ZNF236: variants seen among roughly 807,000 people sequenced by gnomAD.
ZNF236 encodes the protein regulated by glucose.
Under a neutral mutation model 191.2 loss-of-function variants are expected in ZNF236, and 50 were observed. That is an observed-to-expected ratio of 0.26 (90% CI 0.21 to 0.33). ZNF236 has a LOEUF of 0.33. Ranked by LOEUF, ZNF236 falls within the 10% of genes least tolerant of loss-of-function variation. The pLI is 1.00. For synonymous variants in ZNF236, 907 were observed against 928.8 expected (o/e 0.98, Z 0.43); for missense variants, 1,754 against 2,374.5 (o/e 0.74, Z 5.43).
At chr18:76,883,820 C>T (rs915271897) in intron 9 of ZNF236, among the ~76,000 whole-genome samples, 1 of 152,112 alleles carries the variant, frequency 6.6e-6, no homozygotes, top group African/African-American at 2.4e-5. Context: ...CTGAAAATAC[C>T]TCTCCAAGGA....
At chr18:76,865,387 A>G (rs1480293499) in intron 3 of ZNF236, among the ~76,000 whole-genome samples, 2 of 152,166 alleles carry the variant, frequency 1.3e-5, no homozygotes, top group Non-Finnish European at 2.9e-5. Flanking sequence ...TGATCTAACA[A>G]TACATTGTCT....
chr18:76,834,500 C>T, intron 1 of ZNF236: 1 of 444,280 alleles, frequency 2.3e-6, no homozygotes, highest in East Asian at 5.6e-5. Context: ...CGAGATTTGG[C>T]TTTCCGTTCA....
intron 1 of ZNF236, among the ~76,000 whole-genome samples, chr18:76,828,875 C>T (rs1415768320): frequency 1.3e-5 from 2 of 152,174 alleles, no homozygotes; most frequent in African/African-American, 4.8e-5. Context: ...CCATGTTGCC[C>T]AGGCTGGTCT....
chr18:76,842,430 C>T (rs554791792), intron 1 of ZNF236, among the ~76,000 whole-genome samples: 31 of 148,994 alleles, frequency 2.1e-4, no homozygotes, highest in African/African-American at 7.1e-4. Context: ...CTGCTCCACC[C>T]CCCTCAACTT....
chr18:76,910,678 C>G lies in ZNF236; in HGVS notation c.2672C>G (p.Thr891Arg), dbSNP rs199817061. The change falls in exon 16 of 31, where the codon ACG becomes AGG. Residue 891 changes from threonine (T) to arginine (R), a missense_variant. Physicochemically the swap from Thr to Arg is moderately conservative, Grantham distance 71. Around this residue, in one of 5 missense-constraint regions of ZNF236, gnomAD observed 641 missense variants for 869.6 expected, o/e 0.74. Transcript: ENST00000320610. ...ATTTTAGGTTTTACAGTGACTGATACGTACCATCAGCAGCCTCAGTTTCCA... is the reference window on the plus strand; with the variant it reads ...ATTTTAGGTTTTACAGTGACTGATAGGTACCATCAGCAGCCTCAGTTTCCA... ...GLPQGFTVTD[T>R]YHQQPQFPPV... The G allele has an allele frequency of 6.2e-7, 1 of 1,613,956 alleles. No individual in the cohort carries two copies. Among genetic ancestry groups the G allele is most frequent in the Non-Finnish European group, 8.5e-7 (1 of 1,179,996 alleles).
At chr18:76,822,817 G>A (rs1974892762) in intron 1 of ZNF236, among the ~76,000 whole-genome samples, 155 bp downstream of exon 1, 1 of 146,166 alleles carries the variant, frequency 6.8e-6, no homozygotes, top group Non-Finnish European at 1.5e-5. Context: ...GACTGGCCGG[G>A]CGGGCCGCAG....
intron 3 of ZNF236, among the ~76,000 whole-genome samples, chr18:76,865,687 T>A (rs961903280): frequency 1.3e-5 from 2 of 152,092 alleles, no homozygotes; most frequent in African/African-American, 4.8e-5. Flanking sequence ...CAGTGCAGGG[T>A]CCCCTGAAAC....
intron 28 of ZNF236, among the ~76,000 whole-genome samples, chr18:76,958,997 A>G (rs1014693062): frequency 3.3e-5 from 5 of 152,212 alleles, no homozygotes; most frequent in African/African-American, 9.7e-5. Context: ...GCAATTTTGG[A>G]AAATAACCAC....
At chr18:76,837,948 A>G (rs1181650378) in intron 1 of ZNF236, among the ~76,000 whole-genome samples, 1 of 152,220 alleles carries the variant, frequency 6.6e-6, no homozygotes. Context: ...ATTAAAATGG[A>G]TAGATAGCCA....
chr18:76,923,066 G>C lies in ZNF236; in HGVS notation c.3558-5G>C. ...ATATGTCTATAATTAATGCTTTTTG[G>C]ATAGGCATGTTCGAATCCATACTGG... On this transcript the variant is annotated splice_region_variant and splice_polypyrimidine_tract_variant and intron_variant, in intron 20 of 30. Coordinates refer to ENST00000320610, the MANE Select transcript of ZNF236 (RefSeq NM_001306089.2). The C allele has an allele frequency of 6.2e-7, 1 of 1,603,094 alleles. No homozygotes were observed. The highest frequency in any genetic ancestry group is 1.7e-5 in the Admixed American group (1 of 59,698).
chr18:76,863,114 CAG>C (rs1976292436), intron 3 of ZNF236, among the ~76,000 whole-genome samples: 1 of 152,168 alleles, frequency 6.6e-6, no homozygotes, highest in African/African-American at 2.4e-5. Context: ...AGAGGAGAAT[CAG>C]AGGAGAACCT....
At chr18:76,898,889 A>T in intron 10 of ZNF236, 130 bp from the exon 11 acceptor site, 1 of 773,282 alleles carries the variant, frequency 1.3e-6, no homozygotes, top group Non-Finnish European at 2.1e-6. Flanking sequence ...AATATCCATT[A>T]AATTATAAGC....
chr18:76,908,963 CTGTGTGTGTGTGTGTGTGTGTGTG>C (rs10524379), intron 14 of ZNF236, among the ~76,000 whole-genome samples: 4 of 147,228 alleles, frequency 2.7e-5, no homozygotes, highest in East Asian at 4.0e-4. Context: ...ATGTGTGTGT[CTGTGTGTGTGTGTGTGTGTGTGTG>C]TGTGTGTGTG....
intron 18 of ZNF236, 129 bp from the exon 19 acceptor site, chr18:76,915,516 CAA>C: frequency 1.3e-6 from 1 of 769,768 alleles, no homozygotes; most frequent in African/African-American, 1.8e-5. Context: ...TTTTTTTAAC[CAA>C]AGTCTGTTAA....
At chr18:76,897,903 T>G (rs1165183534) in intron 10 of ZNF236, among the ~76,000 whole-genome samples, 1 of 152,208 alleles carries the variant, frequency 6.6e-6, no homozygotes, top group Non-Finnish European at 1.5e-5. Flanking sequence ...TTCTATAGGC[T>G]GGGCATGAAG....
rs989657670 is a variant in ZNF236 at position 76,960,850 on chromosome 18, A to G, written c.5414A>G (p.Tyr1805Cys). Residue 1805 changes from tyrosine to cysteine, a missense_variant, in exon 30 of 31, where the codon TAT becomes TGT. By Grantham distance (194) the Tyr-to-Cys change is radical. Transcript: ENST00000320610. The surrounding 1 kb of genome is among the most constrained non-coding windows in gnomAD (Gnocchi z 4.4). ...MKLHMKRAHSYAGALQESAGH... is the reference protein window; with the variant it reads ...MKLHMKRAHSCAGALQESAGH... ...CTGCACATGAAGCGGGCGCACAGCT[A>G]TGCTGGTGAGAATGCTGCACCCGGG... is the stretch of plus-strand genomic sequence containing the variant. 1.2e-6 allele frequency: 2 copies of G among 1,611,028 alleles called. No individual in the cohort carries two copies. Among genetic ancestry groups the G allele is most frequent in the Admixed American group, 1.7e-5 (1 of 59,840 alleles).
intron 9 of ZNF236, among the ~76,000 whole-genome samples, chr18:76,889,352 C>T (rs994897388): frequency 3.3e-5 from 5 of 152,174 alleles, no homozygotes; most frequent in African/African-American, 7.2e-5. Context: ...TGCTTGGTTA[C>T]GCCATACATG....
In ZNF236 at chr18:76,913,894, C is replaced by T. The variant is rs1377684084; in HGVS notation, c.3057C>T (p.His1019=). 1 of 1,614,100 alleles carries T rather than the reference C, an allele frequency of 6.2e-7. No individual in the cohort carries two copies. The highest frequency in any genetic ancestry group is 8.5e-7 in the Non-Finnish European group (1 of 1,180,040). ...SGVLKSHEKT[H]TGVKAFSCSV... ...TCCTCAAGTCCCACGAGAAGACACACACAGGTCACTGTCTGCCTTATACTT... is the reference window on the plus strand; with the variant it reads ...TCCTCAAGTCCCACGAGAAGACACATACAGGTCACTGTCTGCCTTATACTT... Residue 1019 remains histidine (H), a synonymous_variant, in exon 18 of 31, where the codon CAC becomes CAT. Transcript: ENST00000320610.
chr18:76,968,077 C>CT (rs1218916937), intron 30 of ZNF236, 138 bp from the exon 31 acceptor site: 14 of 1,159,568 alleles, frequency 1.2e-5, no homozygotes, highest in African/African-American at 4.6e-5. Flanking sequence ...TCAAATTACT[C>CT]TTTTTTCACT....
Sources: gnomAD v4.1 joint callset for allele counts (sites outside exome capture counted in the v4.1 genomes callset) on GRCh38, gnomAD v4.1.1 for gene constraint, gnomAD v4.1.1 regional missense constraint, Gnocchi (gnomAD v3.1) non-coding constraint, MANE v1.5 for transcripts, NCBI Gene and HGNC (gene_info 2026-07-23, HGNC 2026-07-21) for gene names.